RPTOR: variants seen among roughly 807,000 people sequenced by gnomAD.
RPTOR encodes the protein regulatory-associated protein of mTOR.
In RPTOR, 21 loss-of-function variants were observed where a neutral mutation model predicts 169.9. That is an observed-to-expected ratio of 0.12 (90% CI 0.09 to 0.18). The LOEUF is 0.18. Among genes scored for constraint, RPTOR ranks in the 10% least tolerant of loss-of-function variants. The pLI is 1.00. For synonymous variants in RPTOR, 732 were observed against 753.2 expected (o/e 0.97, Z 0.46); for missense variants, 1,133 against 1,855.9 (o/e 0.61, Z 7.16).
chr17:80,779,376 C>T (rs989784216), intron 6 of RPTOR, among the ~76,000 whole-genome samples: 10 of 152,194 alleles, frequency 6.6e-5, no homozygotes, highest in African/African-American at 2.2e-4. Context: ...GAAAGTGTGG[C>T]GCCTCCGTGG....
intron 7 of RPTOR, among the ~76,000 whole-genome samples, chr17:80,821,337 C>T (rs2067376133): frequency 1.3e-5 from 2 of 152,216 alleles, no homozygotes; most frequent in South Asian, 2.1e-4. Flanking sequence ...CTGATGAAGA[C>T]GGTGCCATCA....
At chr17:80,918,521 G>GCGGGGGTCATAGCCACGAGCACCCTCA (rs2068706367) in intron 21 of RPTOR, among the ~76,000 whole-genome samples, 2 of 133,408 alleles carry the variant, frequency 1.5e-5, no homozygotes, top group Admixed American at 7.5e-5. Context: ...GAGCACCCTC[G>GCGGGGGTCATAGCCACGAGCACCCTCA]CGGGGGTCAT....
At chr17:80,924,473 G>A (rs1598404277) in intron 23 of RPTOR, among the ~76,000 whole-genome samples, 1 of 152,134 alleles carries the variant, frequency 6.6e-6, no homozygotes. Flanking sequence ...GGCCATGTTG[G>A]GGTAGAAGAG....
chr17:80,847,399 G>A (rs1197067341), intron 11 of RPTOR, among the ~76,000 whole-genome samples: 5 of 152,238 alleles, frequency 3.3e-5, no homozygotes, highest in South Asian at 4.1e-4. Flanking sequence ...CTTTTGTTTC[G>A]GTGAATGTGT....
At chr17:80,929,925 A>G (rs948921049) in intron 24 of RPTOR, among the ~76,000 whole-genome samples, 5 of 152,098 alleles carry the variant, frequency 3.3e-5, no homozygotes, top group African/African-American at 1.2e-4. Flanking sequence ...GACATTCTTT[A>G]TATAAACCTG....
chr17:80,719,001 T>C (rs2066262373), intron 4 of RPTOR, among the ~76,000 whole-genome samples: 1 of 151,186 alleles, frequency 6.6e-6, no homozygotes, highest in South Asian at 2.1e-4. Flanking sequence ...GGAGGTTGAG[T>C]TAGAGGGAGC....
intron 28 of RPTOR, among the ~76,000 whole-genome samples, chr17:80,954,760 T>G (rs2069227347): frequency 6.6e-6 from 1 of 152,042 alleles, no homozygotes; most frequent in Non-Finnish European, 1.5e-5. Context: ...CTACTAAAAA[T>G]ACAAAAATTA....
intron 4 of RPTOR, among the ~76,000 whole-genome samples, chr17:80,719,237 A>G (rs1207097899): frequency 6.6e-6 from 1 of 151,846 alleles, no homozygotes; most frequent in East Asian, 1.9e-4. Context: ...TGGGGAGGAG[A>G]ATTGGGAGAA....
At chr17:80,918,327 C>T (rs959829259) in intron 21 of RPTOR, among the ~76,000 whole-genome samples, 6 of 152,228 alleles carry the variant, frequency 3.9e-5, no homozygotes, top group South Asian at 2.1e-4. Context: ...ATGCAGACTC[C>T]AGGCTCTGGG....
At chr17:80,677,358 A>G (rs2065868186) in intron 3 of RPTOR, among the ~76,000 whole-genome samples, 1 of 151,968 alleles carries the variant, frequency 6.6e-6, no homozygotes, top group African/African-American at 2.4e-5. Context: ...CTTGCTCTCC[A>G]CTCTGGAGAC....
At chr17:80,781,203 G>A (rs1368646132) in intron 6 of RPTOR, among the ~76,000 whole-genome samples, 1 of 152,202 alleles carries the variant, frequency 6.6e-6, no homozygotes. Context: ...CTAGGAGGAA[G>A]GGTGAGGACT....
At chr17:80,866,425 G>A (rs983947510) in intron 13 of RPTOR, among the ~76,000 whole-genome samples, 1 of 152,024 alleles carries the variant, frequency 6.6e-6, no homozygotes, top group Non-Finnish European at 1.5e-5. Flanking sequence ...CAAAGCTGTC[G>A]GCCAAAGGAA....
chr17:80,888,218 G>A (rs1409751593), intron 17 of RPTOR, among the ~76,000 whole-genome samples: 1 of 152,172 alleles, frequency 6.6e-6, no homozygotes, highest in Non-Finnish European at 1.5e-5. Context: ...GGGCTCAAGC[G>A]ATCCTCCCAC....
chr17:80,731,511 C>T (rs1215739796), intron 5 of RPTOR, among the ~76,000 whole-genome samples: 1 of 152,170 alleles, frequency 6.6e-6, no homozygotes, highest in Non-Finnish European at 1.5e-5. Flanking sequence ...GTGCACCGCT[C>T]TGCTAATGAA....
intron 6 of RPTOR, among the ~76,000 whole-genome samples, chr17:80,777,991 G>A (rs1266131947): frequency 6.6e-6 from 1 of 152,162 alleles, no homozygotes; most frequent in Non-Finnish European, 1.5e-5. Context: ...GGGTTAAAGT[G>A]TTATTTCATT....
chr17:80,749,954 A>C (rs1352633852), intron 5 of RPTOR, among the ~76,000 whole-genome samples: 1 of 151,946 alleles, frequency 6.6e-6, no homozygotes. Context: ...GAGCTCAAGC[A>C]ATCCTCACAC....
intron 1 of RPTOR, among the ~76,000 whole-genome samples, chr17:80,583,469 G>A (rs548967439): frequency 2.6e-5 from 4 of 152,296 alleles, no homozygotes; most frequent in Non-Finnish European, 4.4e-5. Flanking sequence ...GGGATTATAG[G>A]TGTGAGCCAC....
intron 3 of RPTOR, among the ~76,000 whole-genome samples, chr17:80,672,245 CAAATT>C (rs2065827263): frequency 4.6e-5 from 7 of 151,964 alleles, no homozygotes; most frequent in Admixed American, 4.6e-4. Context: ...TTGTGTAACT[CAAATT>C]AAAGTTTGTT....
At chr17:80,752,595 C>G (rs982407835) in intron 5 of RPTOR, among the ~76,000 whole-genome samples, 3 of 152,200 alleles carry the variant, frequency 2.0e-5, no homozygotes, top group Admixed American at 2.0e-4. Flanking sequence ...ACAGCAAAAC[C>G]TCTTGTGGAT....
Sources: allele counts gnomAD v4.1 joint callset (sites outside exome capture counted in the v4.1 genomes callset), GRCh38; gene constraint gnomAD v4.1.1; transcripts MANE v1.5; gene names NCBI Gene and HGNC (gene_info 2026-07-23, HGNC 2026-07-21).